The following ZNF547 variants were observed in gnomAD, a reference collection of about 807,000 sequenced individuals.
The protein encoded by ZNF547 is zinc finger protein 547.
ZNF547 carries 4 observed loss-of-function variants against 7.7 expected under a neutral mutation model. That is an observed-to-expected ratio of 0.52 (90% CI 0.26 to 1.20). The LOEUF (loss-of-function observed/expected upper bound fraction) is 1.20, where lower values mean the gene tolerates loss of function less well. Among genes scored for constraint, ZNF547 ranks in the 50% most tolerant of loss-of-function variants. The pLI is 0.14. For missense variants in ZNF547, 449 were observed against 485.8 expected, an observed-to-expected ratio of 0.92 and a Z score of 0.71; for synonymous variants, 166 against 166.2, an observed-to-expected ratio of 1.00 and a Z score of 0.01.
intron 1 of ZNF547, among the ~76,000 whole-genome samples, chr19:57,366,336 G>A (rs1246426811): frequency 1.3e-5 from 2 of 150,620 alleles, no homozygotes; most frequent in Non-Finnish European, 3.0e-5. Context: ...TTCTCCTTCC[G>A]CCTCCAGAGT....
In ZNF547 at chr19:57,377,972, C is replaced by A. The variant is rs769431842; in HGVS notation, c.996C>A (p.Phe332Leu). ...RPYECNECGK[F>L]FSLKSVLIQH... ...ATGAGTGCAATGAATGTGGGAAATT[C>A]TTCAGCTTGAAATCCGTCCTCATTC... Residue 332 changes from phenylalanine to leucine, a missense_variant, in exon 4 of 4, where the codon TTC becomes TTA. Coordinates refer to ENST00000282282, the MANE Select transcript of ZNF547 (RefSeq NM_173631.4). 2.5e-6 allele frequency: 4 copies of A among 1,613,924 alleles called. No individual in the cohort carries two copies. Among genetic ancestry groups the A allele is most frequent in the Non-Finnish European group, 3.4e-6 (4 of 1,179,978 alleles).
At chr19:57,365,062 A>C (rs762009429) in intron 1 of ZNF547, 7 of 1,611,118 alleles carry the variant, frequency 4.3e-6, no homozygotes, top group Non-Finnish European at 5.9e-6. Context: ...AGCATTTGTC[A>C]CCGCGGGGCA....
intron 3 of ZNF547, among the ~76,000 whole-genome samples, chr19:57,372,454 C>G (rs2088512494): frequency 6.6e-6 from 1 of 152,174 alleles, no homozygotes; most frequent in Non-Finnish European, 1.5e-5. Flanking sequence ...AGACTGTCAC[C>G]TTAAGCAATG....
In ZNF547 at chr19:57,366,547, GTTTT is replaced by G. The variant is rs34507280; in HGVS notation, c.-12-1980_-12-1977del. Among the ~76,000 whole-genome samples, 550 of 90,396 alleles carry G rather than the reference GTTTT, an allele frequency of 6.1e-3. 7 individuals carry two copies. The highest frequency in any genetic ancestry group is 0.02 in the African/African-American group (435 of 21,810). 59.3% of individuals were successfully genotyped at this position (90,396 alleles called of 152,430 possible). A position where few individuals can be genotyped will look rare whatever the true frequency, so the allele number is the denominator to read the frequency against. The stretch of plus-strand genomic sequence containing the variant: ...TCGACTTGCCCAATTCAGATAAATT[GTTTT>G]TTTTTTTTTTTTTTTTGACGTGGAG... On this transcript the variant is annotated intron_variant, in intron 1 of 3. Coordinates refer to ENST00000282282, the MANE Select transcript of ZNF547 (RefSeq NM_173631.4).
chr19:57,371,802 C>T lies in ZNF547; in HGVS notation c.45C>T (p.Asp15=), dbSNP rs775049123. Residue 15 remains aspartate (D), a synonymous_variant, in exon 3 of 4, where the codon GAC becomes GAT. Transcript: ENST00000282282. ...NPAQGHVVFE[D]VAIYFSQEEW... ...GGCAGGGTCATGTGGTTTTTGAAGA[C>T]GTGGCCATATATTTCTCCCAGGAGG... 5 of 1,612,564 alleles carry T rather than the reference C, an allele frequency of 3.1e-6. No homozygotes were observed. The African/African-American group carries it at 4.0e-5, about 13-fold the overall frequency.
rs769965859 is a variant in ZNF547, at chr19:57,378,825, A to G, written c.*640A>G. The G allele has an allele frequency of 3.5e-5, 14 of 404,618 alleles. No individual in the cohort carries two copies. The highest frequency in any genetic ancestry group is 4.8e-5 in the Non-Finnish European group (10 of 208,486). 25.1% of individuals were successfully genotyped at this position (404,618 alleles called of 1,614,324 possible). On this transcript the variant is annotated 3_prime_UTR_variant, in exon 4 of 4. Coordinates refer to ENST00000282282, the MANE Select transcript of ZNF547 (RefSeq NM_173631.4). ...TCTTTATCTTGTAAAATGAAACTCT[A>G]TAACCACCATTAAAAAAACAACTCA...
At chr19:57,372,017 C>T (rs1232116115) in intron 3 of ZNF547, 109 bp downstream of exon 3, 1 of 1,438,528 alleles carries the variant, frequency 7.0e-7, no homozygotes, top group Non-Finnish European at 9.2e-7. Flanking sequence ...TGCTTCTTTT[C>T]CTTGTTTCCT....
Position 57,377,991 on chromosome 19 carries a change from C to A in ZNF547, c.1015C>A (p.Leu339Ile). ...GAAATTCTTCAGCTTGAAATCCGTC[C>A]TCATTCAACACCAAAGAGTTCACAC... ...CGKFFSLKSV[L>I]IQHQRVHTGE... is the part of the protein sequence containing the mutation. Residue 339 changes from leucine (L) to isoleucine (I), a missense_variant, in exon 4 of 4, where the codon CTC becomes ATC. Transcript: ENST00000282282. 1 of 1,614,104 alleles carries A rather than the reference C, an allele frequency of 6.2e-7. No homozygotes were observed.
intron 3 of ZNF547, among the ~76,000 whole-genome samples, chr19:57,375,942 C>G (rs1190176276): frequency 6.6e-6 from 1 of 151,958 alleles, no homozygotes; most frequent in East Asian, 1.9e-4. Flanking sequence ...GAGGGCGGAT[C>G]ACCTGAGGTC....
At chr19:57,365,758 C>T (rs1368500687) in intron 1 of ZNF547, among the ~76,000 whole-genome samples, 3 of 151,856 alleles carry the variant, frequency 2.0e-5, no homozygotes, top group Non-Finnish European at 4.4e-5. Context: ...CTGCCTGCCT[C>T]GGCCTCCCAA....
rs774857788 is a variant in ZNF547 at position 57,377,999 on chromosome 19, A to T, written c.1023A>T (p.Gln341His). The T allele has an allele frequency of 1.9e-6, 3 of 1,614,118 alleles. No homozygotes were observed. Among genetic ancestry groups the T allele is most frequent in the African/African-American group, 2.7e-5 (2 of 75,026 alleles). The change falls in exon 4 of 4, where the codon CAA (glutamine) becomes CAT (histidine). Residue 341 changes from glutamine (Q) to histidine (H), a missense_variant. Coordinates refer to ENST00000282282, the MANE Select transcript of ZNF547 (RefSeq NM_173631.4). ...KFFSLKSVLI[Q>H]HQRVHTGERP... ...TCAGCTTGAAATCCGTCCTCATTCA[A>T]CACCAAAGAGTTCACACTGGAGAAC...
intron 2 of ZNF547, 116 bp downstream of exon 2, chr19:57,368,695 A>G (rs572874042): frequency 5.0e-6 from 5 of 999,914 alleles, no homozygotes; most frequent in African/African-American, 4.8e-5. Flanking sequence ...TCCCTCTCTT[A>G]TGTCTGAAAA....
Position 57,377,318 on chromosome 19 carries a change from G to C in ZNF547, c.342G>C (p.Leu114=). 3.7e-6 allele frequency: 6 copies of C among 1,614,208 alleles called. No homozygotes were observed. Among genetic ancestry groups the C allele is most frequent in the Non-Finnish European group, 5.1e-6 (6 of 1,180,038 alleles). Residue 114 remains leucine (L), a synonymous_variant, in exon 4 of 4, where the codon CTG becomes CTC. Coordinates refer to ENST00000282282, the MANE Select transcript of ZNF547 (RefSeq NM_173631.4). ...ACGGAACACACCCCGAGCAGGGACTGTACACGTGTCCAGCACATCTTCACC... is the reference window on the plus strand; with the variant it reads ...ACGGAACACACCCCGAGCAGGGACTCTACACGTGTCCAGCACATCTTCACC... ...EHDGTHPEQG[L]YTCPAHLHQH...
At chr19:57,364,465 G>GTAGCATGAAAA in intron 1 of ZNF547, 1 of 220,660 alleles carries the variant, frequency 4.5e-6, no homozygotes, top group South Asian at 7.6e-5. Context: ...GAGGGTGGCC[G>GTAGCATGAAAA]GGCGTGGTGG....
chr19:57,374,527 T>TA (rs1339725696), intron 3 of ZNF547, among the ~76,000 whole-genome samples: 1 of 152,268 alleles, frequency 6.6e-6, no homozygotes, highest in Non-Finnish European at 1.5e-5. Flanking sequence ...CCTCGTTACT[T>TA]ATGCAAATTT....
At chr19:57,372,375 T>C (rs1209286261) in intron 3 of ZNF547, among the ~76,000 whole-genome samples, 1 of 152,192 alleles carries the variant, frequency 6.6e-6, no homozygotes, top group African/African-American at 2.4e-5. Context: ...TCAGGTGATC[T>C]CTCTGGGAAT....
At chr19:57,367,162 CA>C (rs2088475996) in intron 1 of ZNF547, among the ~76,000 whole-genome samples, 1 of 152,162 alleles carries the variant, frequency 6.6e-6, no homozygotes, top group African/African-American at 2.4e-5. Context: ...ATTACATTAA[CA>C]TTTGTACTCA....
Position 57,378,152 on chromosome 19 carries a change from A to G in ZNF547, c.1176A>G (p.Thr392=), listed in dbSNP as rs201524425. Residue 392 remains threonine (T), a synonymous_variant, in exon 4 of 4, where the codon ACA becomes ACG. Coordinates refer to ENST00000282282, the MANE Select transcript of ZNF547 (RefSeq NM_173631.4). Reference sequence around the variant, plus strand: ...GGAAATTCTTTAGGTATAACTCTACACTTCTCAGACATCAGAAAGTCCACA... The same window carrying G: ...GGAAATTCTTTAGGTATAACTCTACGCTTCTCAGACATCAGAAAGTCCACA... The part of the protein sequence containing the change: ...ECGKFFRYNS[T]LLRHQKVHTG The G allele has an allele frequency of 1.9e-6, 3 of 1,610,312 alleles. No homozygotes were observed. Among genetic ancestry groups the G allele is most frequent in the African/African-American group, 1.3e-5 (1 of 74,856 alleles).
At position 57,368,571 on chromosome 19, in the gene ZNF547, C is replaced by G. The variant is rs1479487132; in HGVS notation, c.16C>G (p.Pro6Ala). ...TCCCCTGGCGATGGCAGAAATGAACCCTGCACAGGTGAGTGGAGTGTTTTC... is the reference window on the plus strand; with the variant it reads ...TCCCCTGGCGATGGCAGAAATGAACGCTGCACAGGTGAGTGGAGTGTTTTC... MAEMNPAQGHVVFEDV... is the reference protein window; with the variant it reads MAEMNAAQGHVVFEDV... Residue 6 changes from proline (P) to alanine (A), a missense_variant, in exon 2 of 4, where the codon CCT becomes GCT. Transcript: ENST00000282282. 3 of 1,614,082 alleles carry G rather than the reference C, an allele frequency of 1.9e-6. No homozygotes were observed. The highest frequency in any genetic ancestry group is 1.7e-6 in the Non-Finnish European group (2 of 1,179,990).
Sources: allele counts gnomAD v4.1 joint callset (sites outside exome capture counted in the v4.1 genomes callset), GRCh38; gene constraint gnomAD v4.1.1; transcripts MANE v1.5; gene names NCBI Gene and HGNC (gene_info 2026-07-23, HGNC 2026-07-21).